The following GPLD1 variants were observed in gnomAD, a reference collection of about 807,000 sequenced individuals.
GPLD1 encodes phosphatidylinositol-glycan-specific phospholipase D.
A neutral mutation model predicts 112.6 loss-of-function variants in GPLD1; 84 were observed. The observed-to-expected ratio is 0.75, with a 90% CI of 0.63 to 0.89. The LOEUF is 0.89. Ranked by LOEUF, GPLD1 falls within the 40% of genes least tolerant of loss-of-function variation. GPLD1 has a pLI of 0.00. For synonymous variants in GPLD1, 386 were observed against 403.8 expected (o/e 0.96, Z 0.53); for missense variants, 1,044 against 1,051.5 (o/e 0.99, Z 0.10).
In GPLD1 at chr6:24,467,102, A is replaced by G. The variant is rs1032125385; in HGVS notation, c.653+65T>C. 44 of 1,164,032 alleles carry G rather than the reference A, an allele frequency of 3.8e-5. 1 individual carries two copies. In the South Asian group the frequency reaches 5.5e-4, roughly 14 times the overall value. The allele number at this position is 1,164,032 out of a possible 1,614,324, so 72.1% of individuals were successfully genotyped here. ...AAATCCAGTCTCAGGAAACAAAAAC[A>G]TAAAAACTGTGCAAAGGAAGTCACA... On this transcript the variant is annotated intron_variant, in intron 8 of 24. Coordinates refer to ENST00000230036, the MANE Select transcript of GPLD1 (RefSeq NM_001503.4).
intron 7 of GPLD1, among the ~76,000 whole-genome samples, chr6:24,470,205 G>A (rs907666631): frequency 1.3e-4 from 19 of 151,846 alleles, no homozygotes; most frequent in East Asian, 1.2e-3. Flanking sequence ...GCATGATCTC[G>A]GCAGTTCTTA....
At chr6:24,458,946 C>CTAAA (rs1326187916) in intron 12 of GPLD1, among the ~76,000 whole-genome samples, 1 of 152,110 alleles carries the variant, frequency 6.6e-6, no homozygotes. Context: ...CTAGGCCCTT[C>CTAAA]CGCAATTCTC....
chr6:24,476,248 T>G lies in GPLD1; in HGVS notation c.263A>C (p.His88Pro), dbSNP rs958962869. ...GCTTGCATTAAGAAACGGAGTCCAG[T>G]GAGTGCTCTCAGACACATCATGGAA... ...GKFHDVSEST[H>P]WTPFLNASVH... The change falls in exon 4 of 25, where the codon CAC becomes CCC. Residue 88 changes from histidine (H) to proline (P), a missense_variant. By Grantham distance (77) the His-to-Pro change is moderately conservative. Transcript: ENST00000230036. 6.4e-7 allele frequency: 1 copy of G among 1,565,944 alleles called. No individual in the cohort carries two copies. Among genetic ancestry groups the G allele is most frequent in the African/African-American group, 1.4e-5 (1 of 74,022 alleles).
intron 10 of GPLD1, among the ~76,000 whole-genome samples, chr6:24,465,792 T>C (rs1384130883): frequency 2.0e-5 from 3 of 152,230 alleles, no homozygotes; most frequent in Non-Finnish European, 4.4e-5. Flanking sequence ...AGCTGTCCCA[T>C]CTGGGCTAGA....
rs538703338 is a variant in GPLD1 at position 24,427,487 on chromosome 6, A to G, written c.*1545T>C. Among the ~76,000 whole-genome samples the G allele has an allele frequency of 6.6e-6, 1 of 152,192 alleles. No homozygotes were observed. Among genetic ancestry groups the G allele is most frequent in the Non-Finnish European group, 1.5e-5 (1 of 68,036 alleles). ...AAGTATTGGAGGGCACAGAAGGGTG[A>G]TAGTCTTGGTTTTTATATTTGTCCT... On this transcript the variant is annotated 3_prime_UTR_variant, in exon 25 of 25. Transcript: ENST00000230036.
In GPLD1 at chr6:24,466,783, C is replaced by T; in HGVS notation, c.718G>A (p.Val240Met). 1 of 1,612,260 alleles carries T rather than the reference C, an allele frequency of 6.2e-7. No individual in the cohort carries two copies. Among genetic ancestry groups the T allele is most frequent in the Non-Finnish European group, 8.5e-7 (1 of 1,178,406 alleles). Residue 240 changes from valine (V) to methionine (M), a missense_variant, in exon 10 of 25, where the codon GTG (valine) becomes ATG (methionine). By Grantham distance (21) the Val-to-Met change is conservative (BLOSUM62 1). Coordinates refer to ENST00000230036, the MANE Select transcript of GPLD1 (RefSeq NM_001503.4). ...AGAAAATACTCTTGGAATTGTTCCA[C>T]CAAAAACGGGGACTTTGTAGAGTAA... ...PTYSTKSPFL[V>M]EQFQEYFLGG...
At chr6:24,485,328 A>G (rs1764334515) in intron 2 of GPLD1, among the ~76,000 whole-genome samples, 1 of 152,208 alleles carries the variant, frequency 6.6e-6, no homozygotes, top group African/African-American at 2.4e-5. Flanking sequence ...GCTTGAGCCC[A>G]GGAGTTCAAG....
chr6:24,450,455 C>T (rs533670950), intron 14 of GPLD1, among the ~76,000 whole-genome samples: 3 of 151,916 alleles, frequency 2.0e-5, no homozygotes, highest in South Asian at 2.1e-4. Context: ...AAGCCAAGAT[C>T]GTGCCACTGC....
intron 2 of GPLD1, among the ~76,000 whole-genome samples, chr6:24,482,097 ATTTTT>A (rs66567770): frequency 3.9e-5 from 4 of 103,224 alleles, no homozygotes; most frequent in South Asian, 3.1e-4. Context: ...GTATTTTTGG[ATTTTT>A]TTTTTTTTTT....
chr6:24,465,484 G>A (rs6917259), intron 10 of GPLD1, among the ~76,000 whole-genome samples: 9,291 of 152,022 alleles, frequency 0.061, 840 homozygotes, highest in African/African-American at 0.2. Context: ...AGGTTGTAGC[G>A]AGCTGAGATA....
chr6:24,461,265 G>C (rs1461514937), intron 11 of GPLD1, among the ~76,000 whole-genome samples: 2 of 151,674 alleles, frequency 1.3e-5, no homozygotes, highest in African/African-American at 2.4e-5. Flanking sequence ...AAGATTGCAA[G>C]CCTAATCAAA....
At chr6:24,443,589 G>A (rs1342331484) in intron 20 of GPLD1, among the ~76,000 whole-genome samples, 4 of 152,124 alleles carry the variant, frequency 2.6e-5, no homozygotes, top group Non-Finnish European at 4.4e-5. Context: ...CCAAAGCTAA[G>A]TCAGCACTTT....
chr6:24,430,321 G>A (rs1056352279), intron 24 of GPLD1, among the ~76,000 whole-genome samples: 3 of 152,122 alleles, frequency 2.0e-5, no homozygotes, highest in Non-Finnish European at 4.4e-5. Context: ...GCCCTTCCCT[G>A]ACTCCACCAG....
chr6:24,424,314 A>G (rs1159803991), downstream of GPLD1: 1 of 152,168 alleles, frequency 6.6e-6, no homozygotes, highest in African/African-American at 2.4e-5. Context: ...CCCTGAGACT[A>G]GTTTTCTTTG....
intron 14 of GPLD1, among the ~76,000 whole-genome samples, chr6:24,450,908 G>C (rs1179698554): frequency 6.6e-6 from 1 of 152,070 alleles, no homozygotes; most frequent in Non-Finnish European, 1.5e-5. Flanking sequence ...GGAGGCAGAG[G>C]TTGCAGTGAG....
In GPLD1 at chr6:24,466,826, CAGAG is replaced by C. The variant is rs775273768; in HGVS notation, c.682-11_682-8del. 3.1e-6 allele frequency: 5 copies of C among 1,592,936 alleles called. No individual in the cohort carries two copies. In the East Asian group the frequency reaches 1.1e-4, roughly 36 times the overall value. ...TAGAGTAAGTGGGATATAACTATGG[CAGAG>C]AGAAAGAAAAAATAAAATGAATATG... On this transcript the variant is annotated splice_region_variant and splice_polypyrimidine_tract_variant and intron_variant, in intron 9 of 24. Transcript: ENST00000230036.
chr6:24,459,698 C>A (rs537602627), intron 12 of GPLD1, among the ~76,000 whole-genome samples: 16 of 152,286 alleles, frequency 1.1e-4, no homozygotes, highest in Non-Finnish European at 1.9e-4. Flanking sequence ...TTTTATATCC[C>A]CCAGTAGAGT....
intron 20 of GPLD1, among the ~76,000 whole-genome samples, chr6:24,442,182 GT>G: frequency 6.8e-6 from 1 of 147,888 alleles, no homozygotes; most frequent in Non-Finnish European, 1.5e-5. Flanking sequence ...AGTGCAGTGG[GT>G]GTGATCATAG....
At position 24,446,887 on chromosome 6, in the gene GPLD1, T is replaced by C. The variant is rs761498025; in HGVS notation, c.1771A>G (p.Asn591Asp). 10 of 1,614,112 alleles carry C rather than the reference T, an allele frequency of 6.2e-6. No homozygotes were observed. In the South Asian group the frequency reaches 1.1e-4, roughly 18 times the overall value. ...GYSLHGVTVD[N>D]RTLLLVGSPT... ...CTCCCAACCAACAGCAAGGTTCTGT[T>C]GTCCACAGTGACACCGTGAAGGGAA... The change falls in exon 18 of 25, where the codon AAC becomes GAC. Residue 591 changes from asparagine (N) to aspartate (D), a missense_variant. Asn to Asp is a conservative substitution (Grantham distance 23). Coordinates refer to ENST00000230036, the MANE Select transcript of GPLD1 (RefSeq NM_001503.4).
Sources: allele counts gnomAD v4.1 joint callset (sites outside exome capture counted in the v4.1 genomes callset), GRCh38; gene constraint gnomAD v4.1.1; transcripts MANE v1.5; gene names NCBI Gene and HGNC (gene_info 2026-07-23, HGNC 2026-07-21).